Variants in PLCXD3 observed in about 807,000 individuals in gnomAD.
The protein encoded by PLCXD3 is phosphatidylinositol specific phospholipase C X domain containing 3.
PLCXD3 carries 19 observed loss-of-function variants against 25.5 expected under a neutral mutation model. The observed-to-expected ratio is 0.75, with a 90% CI of 0.52 to 1.09. The LOEUF (loss-of-function observed/expected upper bound fraction) is 1.09, where lower values mean the gene tolerates loss of function less well. PLCXD3 is among the 50% of genes least tolerant of loss of function. PLCXD3 has a pLI of 0.00. For missense variants in PLCXD3, 411 were observed against 388.1 expected (o/e 1.06, Z -0.50); for synonymous variants, 174 against 137.6 (o/e 1.26, Z -1.85).
At chr5:41,327,403 G>A (rs1743664417) in intron 2 of PLCXD3, among the ~76,000 whole-genome samples, 1 of 148,486 alleles carries the variant, frequency 6.7e-6, no homozygotes, top group Admixed American at 6.8e-5. Flanking sequence ...ATTTTCTCCT[G>A]CAAAGAATTT....
At chr5:41,487,389 G>A (rs1259043655) in intron 1 of PLCXD3, among the ~76,000 whole-genome samples, 6 of 152,166 alleles carry the variant, frequency 3.9e-5, no homozygotes, top group Non-Finnish European at 7.4e-5. Context: ...CAGAGCAGAA[G>A]CCTTTGTGCA....
intron 1 of PLCXD3, among the ~76,000 whole-genome samples, chr5:41,432,341 C>T (rs1457127): frequency 0.047 from 7,167 of 152,146 alleles, 183 homozygotes; most frequent in Middle Eastern, 0.071. Flanking sequence ...GTAAGTTTAT[C>T]GAAGCTTTAA....
At chr5:41,379,374 C>A (rs1745387752) in intron 2 of PLCXD3, among the ~76,000 whole-genome samples, 1 of 151,982 alleles carries the variant, frequency 6.6e-6, no homozygotes, top group African/African-American at 2.4e-5. Flanking sequence ...TGCTATAAAG[C>A]AAAAAGCCCT....
intron 1 of PLCXD3, among the ~76,000 whole-genome samples, chr5:41,403,239 G>T (rs1290379148): frequency 6.7e-6 from 1 of 149,728 alleles, no homozygotes; most frequent in East Asian, 1.9e-4. Flanking sequence ...TCACTTTAGG[G>T]GTTCTTTTAA....
intron 1 of PLCXD3, among the ~76,000 whole-genome samples, chr5:41,500,353 TC>T (rs1189738668): frequency 3.3e-5 from 5 of 151,880 alleles, no homozygotes; most frequent in Admixed American, 6.6e-5. Flanking sequence ...ATGTGCTCAC[TC>T]ATAAGTGGAT....
chr5:41,324,669 C>T (rs1743571511), intron 2 of PLCXD3, among the ~76,000 whole-genome samples: 2 of 152,156 alleles, frequency 1.3e-5, no homozygotes, highest in South Asian at 4.1e-4. Flanking sequence ...TGTGTGTAGC[C>T]ACTCTGGTTG....
chr5:41,463,556 ACT>A (rs1429591099), intron 1 of PLCXD3, among the ~76,000 whole-genome samples: 15 of 151,986 alleles, frequency 9.9e-5, no homozygotes, highest in African/African-American at 3.6e-4. Flanking sequence ...AAAGAATATA[ACT>A]GTTTCTCATG....
chr5:41,490,224 T>C (rs1297215245), intron 1 of PLCXD3, among the ~76,000 whole-genome samples: 1 of 152,252 alleles, frequency 6.6e-6, no homozygotes, highest in African/African-American at 2.4e-5. Flanking sequence ...TCTGTTTATA[T>C]GCTGGATTAC....
chr5:41,505,271 G>A (rs1749030916), intron 1 of PLCXD3, among the ~76,000 whole-genome samples: 1 of 151,994 alleles, frequency 6.6e-6, no homozygotes, highest in Middle Eastern at 3.2e-3. Context: ...AACAATTATA[G>A]TATCAAACAA....
intron 2 of PLCXD3, among the ~76,000 whole-genome samples, chr5:41,347,205 G>A (rs1388886768): frequency 2.0e-5 from 3 of 152,154 alleles, no homozygotes; most frequent in South Asian, 2.1e-4. Context: ...ATTCAAAGTC[G>A]TGGTATCTTG....
At chr5:41,352,510 C>T (rs1022236847) in intron 2 of PLCXD3, among the ~76,000 whole-genome samples, 4 of 152,098 alleles carry the variant, frequency 2.6e-5, no homozygotes, top group South Asian at 4.1e-4. Flanking sequence ...AAAGCAGGTT[C>T]GCAGAAAATA....
Position 41,382,325 on chromosome 5 carries a change from C to T in PLCXD3, c.313G>A (p.Asp105Asn), listed in dbSNP as rs1321730670. The change falls in exon 2 of 3, where the codon GAC becomes AAC. Residue 105 changes from aspartate (D) to asparagine (N), a missense_variant. Physicochemically the swap from Asp to Asn is conservative, Grantham distance 23 (BLOSUM62 1). Coordinates refer to ENST00000377801, the MANE Select transcript of PLCXD3 (RefSeq NM_001005473.3). ...FDLRISTKPR[D>N]PDNELYFAHG... ...GCAAAATAGAGTTCATTGTCGGGGT[C>T]TCTGGGCTTGGTGGAAATTCGAAGA... The T allele has an allele frequency of 1.2e-6, 2 of 1,613,548 alleles. No individual in the cohort carries two copies. Among genetic ancestry groups the T allele is most frequent in the Admixed American group, 1.7e-5 (1 of 59,916 alleles).
At chr5:41,436,549 T>A (rs993831361) in intron 1 of PLCXD3, among the ~76,000 whole-genome samples, 3 of 152,214 alleles carry the variant, frequency 2.0e-5, no homozygotes, top group Non-Finnish European at 4.4e-5. Flanking sequence ...ATTAGGCACC[T>A]CTTTGTAATG....
chr5:41,381,756 T>A lies in PLCXD3; in HGVS notation c.812+70A>T. On this transcript the variant is annotated intron_variant, in intron 2 of 2. Coordinates refer to ENST00000377801, the MANE Select transcript of PLCXD3 (RefSeq NM_001005473.3). ...ATACATAGGTATAATTTCAGCTTCA[T>A]CACTTATGAGCTCTATAAATTCAAG... 7 of 1,412,048 alleles carry A rather than the reference T, an allele frequency of 5.0e-6. No individual in the cohort carries two copies. The South Asian group carries it at 9.9e-5, about 20-fold the overall frequency. The allele number at this position is 1,412,048 out of a possible 1,614,324, so 87.5% of individuals were successfully genotyped here.
intron 1 of PLCXD3, among the ~76,000 whole-genome samples, chr5:41,494,490 A>G (rs1011593577): frequency 2.0e-5 from 3 of 152,220 alleles, no homozygotes; most frequent in African/African-American, 4.8e-5. Context: ...TAAGTAAAAA[A>G]TAAAAATGAA....
Position 41,452,316 on chromosome 5 carries a change from T to C in PLCXD3, c.103+58108A>G, listed in dbSNP as rs145565226. ...AAGGGGAACTGATTCAAGAAAAATC[T>C]GTATACATAAAGGAATACTAGTTAG... On this transcript the variant is annotated intron_variant, in intron 1 of 2. Transcript: ENST00000377801. Among the ~76,000 whole-genome samples, 8 of 152,210 alleles carry C rather than the reference T, an allele frequency of 5.3e-5. No individual in the cohort carries two copies. The East Asian group carries it at 1.6e-3, about 29-fold the overall frequency.
At chr5:41,341,380 A>T (rs1026008616) in intron 2 of PLCXD3, among the ~76,000 whole-genome samples, 1 of 152,212 alleles carries the variant, frequency 6.6e-6, no homozygotes, top group Non-Finnish European at 1.5e-5. Flanking sequence ...TCTGTGCAAC[A>T]TGCAGCATGA....
At chr5:41,394,679 C>CA (rs1580347866) in intron 1 of PLCXD3, among the ~76,000 whole-genome samples, 1 of 152,112 alleles carries the variant, frequency 6.6e-6, no homozygotes, top group Non-Finnish European at 1.5e-5. Flanking sequence ...TTATATTAGA[C>CA]AAAATGGACT....
intron 1 of PLCXD3, among the ~76,000 whole-genome samples, chr5:41,436,412 C>T (rs368205398): frequency 1.3e-5 from 2 of 152,072 alleles, no homozygotes; most frequent in East Asian, 1.9e-4. Flanking sequence ...GCCTTGGTTG[C>T]CTGATCTCCA....
Sources: allele counts gnomAD v4.1 joint callset (sites outside exome capture counted in the v4.1 genomes callset), GRCh38; gene constraint gnomAD v4.1.1; transcripts MANE v1.5; gene names NCBI Gene and HGNC (gene_info 2026-07-23, HGNC 2026-07-21).